SLC27A2: variants seen among roughly 807,000 people sequenced by gnomAD.
SLC27A2 encodes solute carrier family 27 member 2, also known as long-chain fatty acid transport protein 2.
Under a neutral mutation model 60.0 loss-of-function variants are expected in SLC27A2, and 54 were observed. That is an observed-to-expected ratio of 0.90 (90% CI 0.72 to 1.13). The LOEUF is 1.13. Among genes scored for constraint, SLC27A2 ranks in the 50% most tolerant of loss-of-function variants. The pLI, the probability that SLC27A2 is intolerant of heterozygous loss-of-function variation, is 0.00. For missense variants in SLC27A2, 739 were observed against 777.6 expected (o/e 0.95, Z 0.59); for synonymous variants, 297 against 297.6 (o/e 1.00, Z 0.02).
intron 5 of SLC27A2, among the ~76,000 whole-genome samples, chr15:50,223,897 G>A (rs761835673): frequency 7.9e-5 from 12 of 152,234 alleles, no homozygotes; most frequent in Non-Finnish European, 1.3e-4. Context: ...TGAAACAGCC[G>A]CACCAGAACT....
At position 50,202,522 on chromosome 15, in the gene SLC27A2, A is replaced by G. The variant is rs1567430277; in HGVS notation, c.724A>G (p.Ile242Val). 1 of 1,614,222 alleles carries G rather than the reference A, an allele frequency of 6.2e-7. No individual in the cohort carries two copies. Among genetic ancestry groups the G allele is most frequent in the Non-Finnish European group, 8.5e-7 (1 of 1,180,030 alleles). Residue 242 changes from isoleucine (I) to valine (V), a missense_variant, in exon 3 of 10, where the codon ATA (isoleucine) becomes GTA (valine). By Grantham distance (29) the Ile-to-Val change is conservative. Transcript: ENST00000267842. The stretch of plus-strand genomic sequence containing the variant: ...AGCAGCCATGATCACTCATCAGCGC[A>G]TATGGTATGGAACTGGCCTCACTTT... The part of the protein sequence containing the change: ...PKAAMITHQR[I>V]WYGTGLTFVS...
At chr15:50,193,662 G>A (rs1170056588) in intron 1 of SLC27A2, among the ~76,000 whole-genome samples, 6 of 152,158 alleles carry the variant, frequency 3.9e-5, no homozygotes, top group Admixed American at 3.9e-4. Context: ...TTCATTAAAG[G>A]TTTATCAACT....
chr15:50,226,113 C>T, intron 6 of SLC27A2, 35 bp downstream of exon 6: 1 of 1,290,084 alleles, frequency 7.8e-7, no homozygotes, highest in Non-Finnish European at 1.1e-6. Context: ...ACCTGTGCCC[C>T]TTCTTATCTT....
chr15:50,211,701 T>G (rs1444684401), intron 4 of SLC27A2, among the ~76,000 whole-genome samples: 1 of 151,778 alleles, frequency 6.6e-6, no homozygotes, highest in African/African-American at 2.4e-5. Context: ...CAGAGAAATA[T>G]GAAGCCCAAT....
chr15:50,201,568 T>C (rs1336491979), intron 2 of SLC27A2, among the ~76,000 whole-genome samples: 1 of 152,022 alleles, frequency 6.6e-6, no homozygotes, highest in South Asian at 2.1e-4. Context: ...TTTCTTTTTT[T>C]TTTTTGAGAT....
intron 1 of SLC27A2, among the ~76,000 whole-genome samples, chr15:50,187,262 G>A (rs2044932117): frequency 6.6e-6 from 1 of 152,170 alleles, no homozygotes; most frequent in African/African-American, 2.4e-5. Flanking sequence ...GTATGATCTA[G>A]GTAATCACAT....
At chr15:50,217,617 A>T (rs894952609) in intron 4 of SLC27A2, among the ~76,000 whole-genome samples, 1 of 152,122 alleles carries the variant, frequency 6.6e-6, no homozygotes, top group Non-Finnish European at 1.5e-5. Flanking sequence ...AGCTAGCAGT[A>T]GCCCCCTCAC....
chr15:50,209,523 A>G (rs761701317), intron 4 of SLC27A2, among the ~76,000 whole-genome samples: 14 of 152,116 alleles, frequency 9.2e-5, no homozygotes, highest in Admixed American at 5.9e-4. Context: ...TGGGAACTGC[A>G]AGCAGTCTGG....
chr15:50,213,627 G>A (rs2045173837), intron 4 of SLC27A2, among the ~76,000 whole-genome samples: 1 of 151,998 alleles, frequency 6.6e-6, no homozygotes, highest in Admixed American at 6.6e-5. Flanking sequence ...AGACCACAGT[G>A]GAATAAAACT....
intron 1 of SLC27A2, among the ~76,000 whole-genome samples, chr15:50,183,149 C>G (rs985978459): frequency 2.6e-5 from 4 of 152,238 alleles, no homozygotes; most frequent in South Asian, 2.1e-4. Context: ...TTAATCCTCA[C>G]AATGGGTAGG....
chr15:50,205,120 C>A, intron 3 of SLC27A2, 119 bp from the exon 4 acceptor site: 1 of 1,271,504 alleles, frequency 7.9e-7, no homozygotes, highest in Non-Finnish European at 1.1e-6. Flanking sequence ...GTACTCAATA[C>A]TTGTTTGCAA....
intron 1 of SLC27A2, among the ~76,000 whole-genome samples, chr15:50,196,081 T>A (rs1202017065): frequency 0.3 from 1,741 of 5,716 alleles, 400 homozygotes; most frequent in South Asian, 0.52. Context: ...AAAAAAAATA[T>A]ATATATATAT....
At chr15:50,227,802 G>A (rs2140913414) in intron 7 of SLC27A2, among the ~76,000 whole-genome samples, 1 of 152,278 alleles carries the variant, frequency 6.6e-6, no homozygotes, top group South Asian at 2.1e-4. Context: ...CTACCATGGT[G>A]CCTGGTGTCA....
At chr15:50,209,916 A>G (rs1035386238) in intron 4 of SLC27A2, among the ~76,000 whole-genome samples, 3 of 152,212 alleles carry the variant, frequency 2.0e-5, no homozygotes, top group African/African-American at 4.8e-5. Context: ...ACCATGAACT[A>G]CATAGTATAG....
At chr15:50,208,433 C>T (rs895395606) in intron 4 of SLC27A2, among the ~76,000 whole-genome samples, 7 of 152,138 alleles carry the variant, frequency 4.6e-5, no homozygotes, top group African/African-American at 1.4e-4. Context: ...TCTCAGCTTC[C>T]CGTCAGCCAA....
chr15:50,224,182 T>G (rs888785224), intron 5 of SLC27A2, among the ~76,000 whole-genome samples: 1 of 152,204 alleles, frequency 6.6e-6, no homozygotes, highest in African/African-American at 2.4e-5. Flanking sequence ...GGCTCACGCC[T>G]GTAATCCCAG....
chr15:50,197,115 A>G (rs559229246), intron 1 of SLC27A2, among the ~76,000 whole-genome samples: 2 of 152,314 alleles, frequency 1.3e-5, no homozygotes, highest in South Asian at 2.1e-4. Flanking sequence ...ACCATCTGCT[A>G]TGCTTGTGAA....
At chr15:50,191,411 G>C (rs987829992) in intron 1 of SLC27A2, among the ~76,000 whole-genome samples, 2 of 152,194 alleles carry the variant, frequency 1.3e-5, no homozygotes, top group African/African-American at 4.8e-5. Context: ...ACCCCAGCCT[G>C]AGTCCATTGG....
chr15:50,218,060 CAAAAAAAAAAA>C lies in SLC27A2; in HGVS notation c.973-4889_973-4879del, dbSNP rs34661754. Among the ~76,000 whole-genome samples, 162 of 63,896 alleles carry C rather than the reference CAAAAAAAAAAA, an allele frequency of 2.5e-3. 1 individual carries two copies. Among genetic ancestry groups the C allele is most frequent in the African/African-American group, 0.01 (149 of 14,550 alleles). The allele number at this position is 63,896 out of a possible 152,430, so 41.9% of individuals were successfully genotyped here. On this transcript the variant is annotated intron_variant, in intron 4 of 9. Coordinates refer to ENST00000267842, the MANE Select transcript of SLC27A2 (RefSeq NM_003645.4). Reference sequence around the variant, plus strand: ...CAGGGCGAGAGGCGAGACTCTGTCTCAAAAAAAAAAAAAAAAAAAAAAAAAACCGGGAGAAA... The same window carrying C: ...CAGGGCGAGAGGCGAGACTCTGTCTCAAAAAAAAAAAAAAACCGGGAGAAA...
Sources: allele counts gnomAD v4.1 joint callset (sites outside exome capture counted in the v4.1 genomes callset), GRCh38; gene constraint gnomAD v4.1.1; transcripts MANE v1.5; gene names NCBI Gene and HGNC (gene_info 2026-07-23, HGNC 2026-07-21).